The following KCTD1 variants were observed in gnomAD, a reference collection of about 807,000 sequenced individuals.
The protein encoded by KCTD1 is BTB/POZ domain-containing protein KCTD1.
In KCTD1, 24 loss-of-function variants were observed where a neutral mutation model predicts 66.0. That is an observed-to-expected ratio of 0.36 (90% confidence interval 0.26 to 0.51). The LOEUF (loss-of-function observed/expected upper bound fraction) is 0.51. Among genes scored for constraint, KCTD1 ranks in the 20% least tolerant of loss-of-function variants. KCTD1 has a pLI of 0.95. For synonymous variants in KCTD1, 511 were observed against 517.2 expected (o/e 0.99, Z 0.16); for missense variants, 943 against 1,205.2 (o/e 0.78, Z 3.22).
chr18:26,532,261 C>CTTTCTTTTTTTTTTTTTTTTTTTTTT (rs1394278500), intron 1 of KCTD1, among the ~76,000 whole-genome samples: 2 of 29,554 alleles, frequency 6.8e-5, no homozygotes, highest in African/African-American at 1.3e-4. Flanking sequence ...TTCTTTCCTT[C>CTTTCTTTTTTTTTTTTTTTTTTTTTT]TTTTTTTTTT....
intron 1 of KCTD1, among the ~76,000 whole-genome samples, chr18:26,564,770 T>C (rs1334364030): frequency 6.6e-6 from 1 of 152,074 alleles, no homozygotes; most frequent in Non-Finnish European, 1.5e-5. Context: ...ACGCCTGTAA[T>C]TCCAGCTATT....
At position 26,546,915 on chromosome 18, in the gene KCTD1, A is replaced by G; in HGVS notation, c.1622T>C (p.Phe541Ser). 6.7e-7 allele frequency: 1 copy of G among 1,481,970 alleles called. No homozygotes were observed. The highest frequency in any genetic ancestry group is 9.0e-7 in the Non-Finnish European group (1 of 1,114,806). The allele number at this position is 1,481,970 out of a possible 1,614,324, so 91.8% of individuals were successfully genotyped here. A position where few individuals can be genotyped will look rare whatever the true frequency, so the allele number is the denominator to read the frequency against. Reference sequence around the variant, plus strand: ...GGGGCCGCAGATTTCCCCCGACCCGAACACAGACTCGTACAGGGCGCGCTT... The same window carrying G: ...GGGGCCGCAGATTTCCCCCGACCCGGACACAGACTCGTACAGGGCGCGCTT... ...APKRALYESV[F>S]GSGEICGPTS... Residue 541 changes from phenylalanine (F) to serine (S), a missense_variant, in exon 1 of 5, where the codon TTC becomes TCC. This residue lies in a region of KCTD1 where 197 missense variants were observed against 182.7 expected (regional missense o/e 1.08). Coordinates refer to ENST00000580059, the MANE Select transcript of KCTD1 (RefSeq NM_001142730.3).
chr18:26,648,411 G>A (rs750936521), intron 1 of KCTD1, among the ~76,000 whole-genome samples: 99 of 152,290 alleles, frequency 6.5e-4, no homozygotes, highest in Non-Finnish European at 5.3e-4. Context: ...TTCTCTTATC[G>A]CTAAGTCAGT....
Position 26,502,655 on chromosome 18 carries a change from TAGAGTATCTAACTGA to T in KCTD1, c.1810-1420_1810-1406del, listed in dbSNP as rs536404581. On this transcript the variant is annotated intron_variant, in intron 1 of 4. Transcript: ENST00000580059. The stretch of plus-strand genomic sequence containing the variant: ...GTATTCAATGAAGGGGTCAAACATT[TAGAGTATCTAACTGA>T]AGAGTAAGCTAAAATAGCATTTATG... Among the ~76,000 whole-genome samples the T allele has an allele frequency of 2.5e-3, 383 of 152,338 alleles. 2 individuals are homozygous for T. Among genetic ancestry groups the T allele is most frequent in the African/African-American group, 8.6e-3 (358 of 41,570 alleles).
chr18:26,634,846 T>C (rs1009845009), intron 1 of KCTD1, among the ~76,000 whole-genome samples: 2 of 152,202 alleles, frequency 1.3e-5, no homozygotes, highest in Admixed American at 6.5e-5. Flanking sequence ...ACCATGGATC[T>C]GAATGCGGGC....
chr18:26,523,756 G>A (rs748722960), intron 1 of KCTD1, among the ~76,000 whole-genome samples: 6 of 152,234 alleles, frequency 3.9e-5, no homozygotes, highest in Non-Finnish European at 7.3e-5. Context: ...GAAAAATAGT[G>A]GTGGGGAGCC....
chr18:26,471,860 T>C (rs145303624), intron 3 of KCTD1, among the ~76,000 whole-genome samples: 12 of 151,996 alleles, frequency 7.9e-5, no homozygotes, highest in Middle Eastern at 3.4e-3. Flanking sequence ...TGGGAGGGGG[T>C]AGACCAATTG....
upstream of KCTD1, among the ~76,000 whole-genome samples, chr18:26,640,933 G>T (rs996087045): frequency 6.6e-6 from 1 of 152,148 alleles, no homozygotes; most frequent in African/African-American, 2.4e-5. Flanking sequence ...GGATGGTATC[G>T]TGGGATCTAG....
At chr18:26,523,301 T>A (rs1239755903) in intron 1 of KCTD1, among the ~76,000 whole-genome samples, 1 of 152,176 alleles carries the variant, frequency 6.6e-6, no homozygotes, top group Non-Finnish European at 1.5e-5. Flanking sequence ...TATTGAAGGG[T>A]CGGTGTTCCC....
chr18:26,626,105 A>G (rs1391441581), intron 1 of KCTD1, among the ~76,000 whole-genome samples: 2 of 151,900 alleles, frequency 1.3e-5, no homozygotes, highest in Non-Finnish European at 2.9e-5. Flanking sequence ...ACATGGAAAG[A>G]CACTGGATCC....
At chr18:26,591,021 T>C (rs1294785915) in intron 1 of KCTD1, among the ~76,000 whole-genome samples, 1 of 152,196 alleles carries the variant, frequency 6.6e-6, no homozygotes, top group Non-Finnish European at 1.5e-5. Flanking sequence ...GATTAGATAA[T>C]GTATATGAAA....
chr18:26,634,841 G>A (rs1176778346), intron 1 of KCTD1, among the ~76,000 whole-genome samples: 1 of 152,180 alleles, frequency 6.6e-6, no homozygotes, highest in Non-Finnish European at 1.5e-5. Context: ...GGCCAACCAT[G>A]GATCTGAATG....
intron 4 of KCTD1, 176 bp downstream of exon 4, chr18:26,459,444 A>ACAAT: frequency 1.6e-6 from 1 of 618,898 alleles, no homozygotes; most frequent in Non-Finnish European, 2.7e-6. Flanking sequence ...AGCACCTGGC[A>ACAAT]CAATCACAAG....
chr18:26,592,230 A>C (rs1372496720), intron 1 of KCTD1, among the ~76,000 whole-genome samples: 1 of 152,256 alleles, frequency 6.6e-6, no homozygotes, highest in African/African-American at 2.4e-5. Context: ...TATGATACAA[A>C]AAGTTAGAAA....
chr18:26,463,668 G>C (rs939886009), intron 3 of KCTD1, among the ~76,000 whole-genome samples: 4 of 151,990 alleles, frequency 2.6e-5, no homozygotes, highest in African/African-American at 4.8e-5. Context: ...TTCTGAGTAG[G>C]TGGGATTACA....
intron 3 of KCTD1, among the ~76,000 whole-genome samples, chr18:26,464,818 C>T (rs149899428): frequency 6.6e-6 from 1 of 152,150 alleles, no homozygotes; most frequent in Non-Finnish European, 1.5e-5. Context: ...CCCTAGCAGG[C>T]AGGGCACCTA....
intron 4 of KCTD1, chr18:26,458,976 A>G (rs1244631687): frequency 2.0e-5 from 3 of 152,138 alleles, no homozygotes; most frequent in Admixed American, 1.3e-4. Context: ...ACATACACAA[A>G]CGAACCAAAA....
chr18:26,641,930 A>G (rs142197950), upstream of KCTD1, among the ~76,000 whole-genome samples: 251 of 152,276 alleles, frequency 1.6e-3, 2 homozygotes, highest in African/African-American at 5.9e-3. Context: ...GTATATTTAT[A>G]TGATGAGGAC....
chr18:26,577,779 G>A (rs1020841640), intron 1 of KCTD1, among the ~76,000 whole-genome samples: 5 of 151,640 alleles, frequency 3.3e-5, no homozygotes, highest in Non-Finnish European at 7.4e-5. Flanking sequence ...TTGCCATGTC[G>A]TCCAAACTGG....
Sources: allele counts gnomAD v4.1 joint callset (sites outside exome capture counted in the v4.1 genomes callset), GRCh38; gene constraint gnomAD v4.1.1; regional missense constraint gnomAD v4.1.1; transcripts MANE v1.5; gene names NCBI Gene and HGNC (gene_info 2026-07-23, HGNC 2026-07-21).